URM1: variants seen among roughly 807,000 people sequenced by gnomAD.
URM1 encodes ubiquitin related modifier 1.
Under a neutral mutation model 17.7 loss-of-function variants are expected in URM1, and 11 were observed. That is an observed-to-expected ratio of 0.62 (90% confidence interval 0.39 to 1.03). The LOEUF is 1.03. Ranked by LOEUF, URM1 falls within the 50% of genes least tolerant of loss-of-function variation. The pLI is 0.00. For synonymous variants in URM1, 48 were observed against 50.6 expected (o/e 0.95, Z 0.22); for missense variants, 128 against 129.2 (o/e 0.99, Z 0.04).
At chr9:128,389,181 C>T in intron 3 of URM1, 80 bp from the exon 4 acceptor site, 1 of 1,522,746 alleles carries the variant, frequency 6.6e-7, no homozygotes, top group Non-Finnish European at 8.8e-7. Flanking sequence ...TCCTGCAGCC[C>T]AAAGCTCTCA....
intron 2 of URM1, among the ~76,000 whole-genome samples, chr9:128,386,189 G>A (rs1833225165): frequency 6.6e-6 from 1 of 152,200 alleles, no homozygotes. Context: ...CGCCCGCTAG[G>A]GCTGGCTGAT....
intron 3 of URM1, chr9:128,388,869 T>C (rs1446751473): frequency 6.9e-6 from 7 of 1,012,968 alleles, no homozygotes; most frequent in Middle Eastern, 4.9e-4. Context: ...GGAAAAGTCC[T>C]ACTAATGGTT....
At chr9:128,384,986 G>A (rs1323973831) in intron 2 of URM1, among the ~76,000 whole-genome samples, 1 of 152,188 alleles carries the variant, frequency 6.6e-6, no homozygotes, top group Non-Finnish European at 1.5e-5. Flanking sequence ...CGTGATTCAA[G>A]TGTTGAGTCA....
chr9:128,382,101 G>T (rs1226606156), intron 2 of URM1, among the ~76,000 whole-genome samples: 2 of 152,178 alleles, frequency 1.3e-5, no homozygotes. Flanking sequence ...ACTGTTCAGG[G>T]AACAGGCAGG....
Position 128,389,912 on chromosome 9 carries a change from C to A in URM1, c.*178C>A. The A allele has an allele frequency of 2.5e-6, 2 of 812,382 alleles. No individual in the cohort carries two copies. The highest frequency in any genetic ancestry group is 2.9e-5 in the Admixed American group (1 of 34,160). The allele number at this position is 812,382 out of a possible 1,614,324, so 50.3% of individuals were successfully genotyped here. On this transcript the variant is annotated 3_prime_UTR_variant, in exon 5 of 5. Coordinates refer to ENST00000372853, the MANE Select transcript of URM1 (RefSeq NM_030914.4). ...GTGCTAAAAATGAGCCTTTCTCAAG[C>A]ACGTGAGCAGCGGAAGGCAGACAGG...
At chr9:128,382,845 G>T (rs970425750) in intron 2 of URM1, among the ~76,000 whole-genome samples, 3 of 152,176 alleles carry the variant, frequency 2.0e-5, no homozygotes, top group Non-Finnish European at 4.4e-5. Flanking sequence ...TCGCTGAAAC[G>T]GCCATGCAGG....
chr9:128,377,538 C>G (rs897320913), intron 1 of URM1, among the ~76,000 whole-genome samples: 1 of 152,114 alleles, frequency 6.6e-6, no homozygotes, highest in African/African-American at 2.4e-5. Flanking sequence ...GATGTGGTGG[C>G]TCATGTCTGT....
chr9:128,382,665 C>A (rs1833175379), intron 2 of URM1, among the ~76,000 whole-genome samples: 1 of 152,170 alleles, frequency 6.6e-6, no homozygotes, highest in South Asian at 2.1e-4. Context: ...TCTTTCTTCC[C>A]TATCTGTAAG....
chr9:128,372,270 G>A (rs1328221203), intron 1 of URM1, among the ~76,000 whole-genome samples: 1 of 150,014 alleles, frequency 6.7e-6, no homozygotes, highest in Non-Finnish European at 1.5e-5. Context: ...AGGTAGGGAT[G>A]TGTGTGTGTG....
rs544885417 is a variant in URM1 at position 128,378,812 on chromosome 9, C to T, written c.106+706C>T. 6.1e-4 allele frequency among the ~76,000 whole-genome samples: 91 copies of T among 149,800 alleles called. 1 individual carries two copies. Among genetic ancestry groups the T allele is most frequent in the Non-Finnish European group, 1.2e-3 (80 of 67,394 alleles). The stretch of plus-strand genomic sequence containing the variant: ...AATACAAAAAATTAGTCACGCATAG[C>T]GGTGCGCGCTTGTAATCCCAGCTAC... On this transcript the variant is annotated intron_variant, in intron 2 of 4. Coordinates refer to ENST00000372853, the MANE Select transcript of URM1 (RefSeq NM_030914.4).
At position 128,390,652 on chromosome 9, in the gene URM1, C is replaced by G. The variant is rs754908990; in HGVS notation, c.*918C>G. 1 of 152,480 alleles carries G rather than the reference C, an allele frequency of 6.6e-6. No homozygotes were observed. The highest frequency in any genetic ancestry group is 1.5e-5 in the Non-Finnish European group (1 of 68,054). The allele number at this position is 152,480 out of a possible 1,614,324, so 9.4% of individuals were successfully genotyped here. A position where few individuals can be genotyped will look rare whatever the true frequency, so the allele number is the denominator to read the frequency against. ...TGGTAGGCACAGTGCTTTGCCCCTC[C>G]TCCCCTTCCCTTCTGGAAGTCTTGG... On this transcript the variant is annotated 3_prime_UTR_variant, in exon 5 of 5. Coordinates refer to ENST00000372853, the MANE Select transcript of URM1 (RefSeq NM_030914.4).
chr9:128,376,495 TA>T (rs199669936), intron 1 of URM1, among the ~76,000 whole-genome samples: 4 of 148,172 alleles, frequency 2.7e-5, no homozygotes, highest in African/African-American at 7.5e-5. Flanking sequence ...CTGTCTCTAT[TA>T]AAAAAAAATA....
At chr9:128,388,437 G>A (rs1833257682) in intron 3 of URM1, 1 of 986,142 alleles carries the variant, frequency 1.0e-6, no homozygotes, top group Non-Finnish European at 1.2e-6. Context: ...TCCTTGGAAA[G>A]GACCAGGTTC....
Position 128,389,869 on chromosome 9 carries a change from G to T in URM1, c.*135G>T. The T allele has an allele frequency of 1.6e-6, 2 of 1,258,440 alleles. No homozygotes were observed. Among genetic ancestry groups the T allele is most frequent in the Middle Eastern group, 2.2e-4 (1 of 4,560 alleles). 78.0% of individuals were successfully genotyped at this position (1,258,440 alleles called of 1,614,324 possible). Reference sequence around the variant, plus strand: ...GCTCTGTCCCCTAAGCTCCCTCCAGGCAGGGAAAAGAGGCCAGGTGCTAAA... The same window carrying T: ...GCTCTGTCCCCTAAGCTCCCTCCAGTCAGGGAAAAGAGGCCAGGTGCTAAA... On this transcript the variant is annotated 3_prime_UTR_variant, in exon 5 of 5. Coordinates refer to ENST00000372853, the MANE Select transcript of URM1 (RefSeq NM_030914.4).
At chr9:128,386,074 T>G (rs1274225189) in intron 2 of URM1, among the ~76,000 whole-genome samples, 1 of 152,120 alleles carries the variant, frequency 6.6e-6, no homozygotes, top group Non-Finnish European at 1.5e-5. Flanking sequence ...AGAAGCACCT[T>G]CCCTTTGGAG....
At chr9:128,380,181 G>A (rs1205579305) in intron 2 of URM1, among the ~76,000 whole-genome samples, 1 of 152,138 alleles carries the variant, frequency 6.6e-6, no homozygotes, top group South Asian at 2.1e-4. Flanking sequence ...AGTGAGATTT[G>A]GCAGGATTCT....
At chr9:128,388,293 C>T in intron 3 of URM1, 3 of 1,062,252 alleles carry the variant, frequency 2.8e-6, no homozygotes, top group South Asian at 6.6e-5. Context: ...TAAATAGCCA[C>T]ATGCAGCTAG....
chr9:128,382,121 C>G (rs191466717), intron 2 of URM1, among the ~76,000 whole-genome samples: 1 of 152,288 alleles, frequency 6.6e-6, no homozygotes, highest in African/African-American at 2.4e-5. Context: ...GGGCCTATCC[C>G]CACTCTGGGA....
chr9:128,378,923 G>C (rs1434301541), intron 2 of URM1, among the ~76,000 whole-genome samples: 1 of 150,272 alleles, frequency 6.7e-6, no homozygotes, highest in African/African-American at 2.5e-5. Flanking sequence ...CTCCAGCCTG[G>C]GTGGCAGAGC....
Sources: gnomAD v4.1 joint callset for allele counts (sites outside exome capture counted in the v4.1 genomes callset) on GRCh38, gnomAD v4.1.1 for gene constraint, MANE v1.5 for transcripts, NCBI Gene and HGNC (gene_info 2026-07-23, HGNC 2026-07-21) for gene names.